Variants in CST3 observed in about 807,000 individuals in gnomAD.
The protein encoded by CST3 is cystatin-C.
A neutral mutation model predicts 9.0 loss-of-function variants in CST3; 14 were observed. That is an observed-to-expected ratio of 1.56 (90% CI 1.03 to 2.44). CST3 has a LOEUF of 2.44. Among genes scored for constraint, CST3 ranks in the 30% most tolerant of loss-of-function variants. The probability of loss-of-function intolerance (pLI) is 0.00; values close to 1 mark genes in which losing one functional copy is unlikely to be tolerated. For missense variants in CST3, 237 were observed against 204.3 expected (o/e 1.16, Z -0.98); for synonymous variants, 96 against 90.2 (o/e 1.06, Z -0.37).
In CST3 at chr20:23,633,862, G is replaced by C. The variant is rs1979544954; in HGVS notation, c.*54C>G. 2 of 1,443,872 alleles carry C rather than the reference G, an allele frequency of 1.4e-6. No homozygotes were observed. The highest frequency in any genetic ancestry group is 1.7e-5 in the Admixed American group (1 of 59,750). 89.4% of individuals were successfully genotyped at this position (1,443,872 alleles called of 1,614,324 possible). On this transcript the variant is annotated 3_prime_UTR_variant, in exon 3 of 3. Transcript: ENST00000376925. ...ACCAGTCCAGGGGTGGGAATACAGG[G>C]GGTGGGAGGTGTGCATAAGAGGTGA...
chr20:23,635,191 C>T, intron 2 of CST3, 63 bp downstream of exon 2: 2 of 1,363,670 alleles, frequency 1.5e-6, no homozygotes, highest in East Asian at 2.3e-5. Flanking sequence ...ATCACACACA[C>T]ACACACACAC....
intron 1 of CST3, 41 bp downstream of exon 1, chr20:23,637,579 G>T (rs1979731682): frequency 6.9e-7 from 1 of 1,455,798 alleles, no homozygotes; most frequent in East Asian, 2.9e-5. Flanking sequence ...GGCTGGGACG[G>T]CGGGGCCGGG....
chr20:23,632,086 G>T, downstream of CST3: 1 of 152,380 alleles, frequency 6.6e-6, no homozygotes, highest in Non-Finnish European at 1.5e-5. Context: ...AGGGGAGGCA[G>T]GGGTGGCACC....
Position 23,637,787 on chromosome 20 carries a change from C to T in CST3, c.76G>A (p.Gly26Ser). 3.9e-6 allele frequency: 6 copies of T among 1,526,076 alleles called. No individual in the cohort carries two copies. The highest frequency in any genetic ancestry group is 5.3e-6 in the Non-Finnish European group (6 of 1,137,784). 94.5% of individuals were successfully genotyped at this position (1,526,076 alleles called of 1,614,324 possible). Residue 26 changes from glycine (G) to serine (S), a missense_variant, in exon 1 of 3, where the codon GGC (glycine) becomes AGC (serine). Coordinates refer to ENST00000376925, the MANE Select transcript of CST3 (RefSeq NM_000099.4). Reference protein sequence around the residue: ...AVALAVSPAAGSSPGKPPRLV... With the variant: ...AVALAVSPAASSSPGKPPRLV... ...CGCGGCGGCTTGCCGGGACTGGAGC[C>T]GGCCGCGGGGCTCACGGCCAGGGCC...
downstream of CST3, among the ~76,000 whole-genome samples, chr20:23,630,428 G>T (rs1332960008): frequency 6.6e-6 from 1 of 152,212 alleles, no homozygotes; most frequent in Non-Finnish European, 1.5e-5. Context: ...GCAGGTATGG[G>T]TAATTAAAGG....
At chr20:23,636,614 C>T (rs558459559) in intron 1 of CST3, among the ~76,000 whole-genome samples, 26 of 152,222 alleles carry the variant, frequency 1.7e-4, no homozygotes, top group African/African-American at 5.5e-4. Context: ...ACGTGTGGCC[C>T]CTGCGGAGAG....
In CST3 at chr20:23,633,832, G is replaced by C; in HGVS notation, c.*84C>G. 8.3e-7 allele frequency: 1 copy of C among 1,211,748 alleles called. No homozygotes were observed. The highest frequency in any genetic ancestry group is 1.2e-6 in the Non-Finnish European group (1 of 816,236). The allele number at this position is 1,211,748 out of a possible 1,614,324, so 75.1% of individuals were successfully genotyped here. Reference sequence around the variant, plus strand: ...CATGGGGAGACCTTCCCCAAGGCAGGGGCCACCAGTCCAGGGGTGGGAATA... The same window carrying C: ...CATGGGGAGACCTTCCCCAAGGCAGCGGCCACCAGTCCAGGGGTGGGAATA... On this transcript the variant is annotated 3_prime_UTR_variant, in exon 3 of 3. Coordinates refer to ENST00000376925, the MANE Select transcript of CST3 (RefSeq NM_000099.4).
At chr20:23,637,478 G>C in intron 1 of CST3, 142 bp downstream of exon 1, 1 of 846,244 alleles carries the variant, frequency 1.2e-6, no homozygotes. Flanking sequence ...CAAGGGCTCG[G>C]GGGTGACAGC....
intron 1 of CST3, 42 bp from the exon 2 acceptor site, chr20:23,635,409 G>A: frequency 3.2e-6 from 5 of 1,547,428 alleles, no homozygotes; most frequent in Non-Finnish European, 2.7e-6. Context: ...AGCACGTTCT[G>A]TCAGTTTCTT....
chr20:23,631,441 A>G (rs1979448581), downstream of CST3, among the ~76,000 whole-genome samples: 1 of 152,196 alleles, frequency 6.6e-6, no homozygotes, highest in South Asian at 2.1e-4. Flanking sequence ...ATGGCACAGA[A>G]GCCCAGGGTC....
At chr20:23,629,826 T>C (rs996835906), downstream of CST3, among the ~76,000 whole-genome samples, 6 of 152,286 alleles carry the variant, frequency 3.9e-5, no homozygotes, top group African/African-American at 1.4e-4. Flanking sequence ...TACCCAGTGC[T>C]GGGTTTGAGG....
At chr20:23,634,600 G>C (rs528464103) in intron 2 of CST3, among the ~76,000 whole-genome samples, 278 of 152,146 alleles carry the variant, frequency 1.8e-3, no homozygotes, top group African/African-American at 6.3e-3. Flanking sequence ...GCTGTGGGCA[G>C]GTGCCTAAGG....
At chr20:23,632,219 G>A (rs554340602), downstream of CST3, 2 of 152,434 alleles carry the variant, frequency 1.3e-5, no homozygotes, top group East Asian at 1.9e-4. Context: ...ACTTCCCCAA[G>A]GAAGAAGTGT....
chr20:23,637,546 G>A lies in CST3; in HGVS notation c.243+74C>T, dbSNP rs935059299. 1.3e-5 allele frequency: 18 copies of A among 1,350,256 alleles called. No individual in the cohort carries two copies. The African/African-American group carries it at 2.8e-4, about 21-fold the overall frequency. 83.6% of individuals were successfully genotyped at this position (1,350,256 alleles called of 1,614,324 possible). On this transcript the variant is annotated intron_variant, in intron 1 of 2. Coordinates refer to ENST00000376925, the MANE Select transcript of CST3 (RefSeq NM_000099.4). ...CAGGCGCCGGAGAGGAGCAGCACGGGGTCCGGGAGCAGCGCGGGGGGAGGC... is the reference window on the plus strand; with the variant it reads ...CAGGCGCCGGAGAGGAGCAGCACGGAGTCCGGGAGCAGCGCGGGGGGAGGC...
chr20:23,636,606 G>A (rs1429503941), intron 1 of CST3, among the ~76,000 whole-genome samples: 2 of 152,140 alleles, frequency 1.3e-5, no homozygotes, highest in African/African-American at 2.4e-5. Flanking sequence ...CCAGGCTCAC[G>A]TGTGGCCCCT....
At chr20:23,637,565 G>A (rs972655996) in intron 1 of CST3, 55 bp downstream of exon 1, 7 of 1,417,550 alleles carry the variant, frequency 4.9e-6, no homozygotes, top group Non-Finnish European at 6.5e-6. Flanking sequence ...GCAGCGCGGG[G>A]GGAGGCTGGG....
intron 1 of CST3, 126 bp downstream of exon 1, chr20:23,637,494 C>T: frequency 1.0e-6 from 1 of 976,526 alleles, no homozygotes; most frequent in Admixed American, 4.0e-5. Flanking sequence ...ACAGCGAAGA[C>T]CGGGAACAGG....
downstream of CST3, among the ~76,000 whole-genome samples, chr20:23,631,493 AGGACAC>A (rs1334705131): frequency 6.6e-6 from 1 of 152,226 alleles, no homozygotes; most frequent in Non-Finnish European, 1.5e-5. Context: ...GCAGCCACGC[AGGACAC>A]GGCTTCTGTT....
chr20:23,633,518 C>T, downstream of CST3: 3 of 356,560 alleles, frequency 8.4e-6, no homozygotes, highest in East Asian at 6.5e-5. Flanking sequence ...CAGCAGCTTG[C>T]CTGATGGCCT....
Sources: gnomAD v4.1 joint callset for allele counts (sites outside exome capture counted in the v4.1 genomes callset) on GRCh38, gnomAD v4.1.1 for gene constraint, MANE v1.5 for transcripts, NCBI Gene and HGNC (gene_info 2026-07-23, HGNC 2026-07-21) for gene names.